The following DNAJC1 variants were observed in gnomAD, a reference collection of about 807,000 sequenced individuals.
DNAJC1 encodes the protein DnaJ heat shock protein family (Hsp40) member C1.
Under a neutral mutation model 76.6 loss-of-function variants are expected in DNAJC1, and 58 were observed. The ratio of observed to expected loss-of-function variants is 0.76; its 90% CI spans 0.61 to 0.94. DNAJC1 has a LOEUF of 0.94. DNAJC1 is among the 40% of genes least tolerant of loss of function. The pLI, the probability that DNAJC1 is intolerant of heterozygous loss-of-function variation, is 0.00. For synonymous variants in DNAJC1, 258 were observed against 267.9 expected, an observed-to-expected ratio of 0.96 and a Z score of 0.36; for missense variants, 689 against 677.3, an observed-to-expected ratio of 1.02 and a Z score of -0.19.
intron 8 of DNAJC1, among the ~76,000 whole-genome samples, chr10:21,814,125 A>T (rs1431293401): frequency 6.6e-6 from 1 of 152,174 alleles, no homozygotes; most frequent in Non-Finnish European, 1.5e-5. Flanking sequence ...TGCAGAAGTT[A>T]CTGGGCACCT....
At chr10:21,827,407 G>A (rs542551503) in intron 8 of DNAJC1, among the ~76,000 whole-genome samples, 1 of 152,186 alleles carries the variant, frequency 6.6e-6, no homozygotes, top group South Asian at 2.1e-4. Context: ...TCCTAGGGCT[G>A]CCATAAAAAA....
At chr10:21,864,535 T>C (rs942926450) in intron 8 of DNAJC1, among the ~76,000 whole-genome samples, 6 of 151,672 alleles carry the variant, frequency 4.0e-5, no homozygotes, top group African/African-American at 1.2e-4. Context: ...GGCAGGAGAA[T>C]TGCTTGAACC....
chr10:21,970,413 C>G (rs1447466454), intron 1 of DNAJC1, among the ~76,000 whole-genome samples: 1 of 151,448 alleles, frequency 6.6e-6, no homozygotes, highest in Admixed American at 6.6e-5. Context: ...TTAAAAAAAC[C>G]AAAAAATTTA....
At chr10:21,859,895 T>C (rs1412706340) in intron 8 of DNAJC1, among the ~76,000 whole-genome samples, 1 of 152,130 alleles carries the variant, frequency 6.6e-6, no homozygotes, top group East Asian at 1.9e-4. Flanking sequence ...GCGATTCTCC[T>C]GCCTCAGCCT....
intron 1 of DNAJC1, among the ~76,000 whole-genome samples, chr10:21,968,425 C>G (rs1282397067): frequency 6.6e-6 from 1 of 152,060 alleles, no homozygotes; most frequent in Non-Finnish European, 1.5e-5. Context: ...TACGGCAACC[C>G]AACTTTGAGT....
At chr10:21,820,683 C>T (rs928523705) in intron 8 of DNAJC1, among the ~76,000 whole-genome samples, 2 of 152,210 alleles carry the variant, frequency 1.3e-5, no homozygotes, top group South Asian at 2.1e-4. Context: ...CCCTCCAACC[C>T]GATGGAAGCC....
intron 9 of DNAJC1, among the ~76,000 whole-genome samples, chr10:21,792,459 A>G (rs1435168049): frequency 6.6e-6 from 1 of 152,180 alleles, no homozygotes; most frequent in East Asian, 1.9e-4. Context: ...AAAATCCATA[A>G]TTACTAGCTA....
At chr10:21,927,890 G>T (rs1169637915) in intron 3 of DNAJC1, among the ~76,000 whole-genome samples, 1 of 152,180 alleles carries the variant, frequency 6.6e-6, no homozygotes, top group Admixed American at 6.5e-5. Context: ...GGGGCACAGA[G>T]AAGTCTTAGA....
At chr10:21,977,002 T>C (rs769672350) in intron 1 of DNAJC1, among the ~76,000 whole-genome samples, 3 of 152,110 alleles carry the variant, frequency 2.0e-5, no homozygotes, top group African/African-American at 7.2e-5. Flanking sequence ...ATGGGGCCAA[T>C]GGTAAGCAAC....
At chr10:21,898,945 G>A (rs1488177473) in intron 7 of DNAJC1, among the ~76,000 whole-genome samples, 10 of 152,014 alleles carry the variant, frequency 6.6e-5, no homozygotes, top group Non-Finnish European at 1.3e-4. Flanking sequence ...GAAATATCCC[G>A]GTTCTCACAT....
chr10:21,784,927 G>A (rs1834585368), intron 9 of DNAJC1, among the ~76,000 whole-genome samples: 1 of 152,062 alleles, frequency 6.6e-6, no homozygotes, highest in Non-Finnish European at 1.5e-5. Context: ...GGAAGGGATA[G>A]CATTAGGAGA....
intron 8 of DNAJC1, among the ~76,000 whole-genome samples, chr10:21,815,458 T>A (rs1338997697): frequency 6.6e-6 from 1 of 152,180 alleles, no homozygotes; most frequent in Non-Finnish European, 1.5e-5. Flanking sequence ...ATAACTGCTA[T>A]TGCTATCAGT....
intron 8 of DNAJC1, among the ~76,000 whole-genome samples, chr10:21,829,276 G>A (rs984088036): frequency 4.6e-5 from 7 of 151,706 alleles, no homozygotes; most frequent in African/African-American, 7.3e-5. Flanking sequence ...GTGCAGTGGC[G>A]TGATCTTGGC....
chr10:21,827,783 G>A (rs570492643), intron 8 of DNAJC1, among the ~76,000 whole-genome samples: 1 of 152,184 alleles, frequency 6.6e-6, no homozygotes, highest in Non-Finnish European at 1.5e-5. Context: ...ACATGGATTT[G>A]TTTGGGATAC....
At chr10:21,884,843 G>C (rs1347359915) in intron 7 of DNAJC1, among the ~76,000 whole-genome samples, 1 of 152,076 alleles carries the variant, frequency 6.6e-6, no homozygotes, top group South Asian at 2.1e-4. Context: ...ACAACTGCAA[G>C]TGATGTCTTT....
chr10:21,795,343 G>A (rs1032746921), intron 9 of DNAJC1, among the ~76,000 whole-genome samples: 1 of 152,104 alleles, frequency 6.6e-6, no homozygotes, highest in Non-Finnish European at 1.5e-5. Context: ...GCTACAACAC[G>A]GATGAACTTC....
chr10:21,771,789 A>G (rs1834380809), intron 9 of DNAJC1, among the ~76,000 whole-genome samples: 1 of 152,116 alleles, frequency 6.6e-6, no homozygotes, highest in Non-Finnish European at 1.5e-5. Flanking sequence ...GGAGCCACTG[A>G]GTCCGGCTCA....
chr10:21,878,268 A>T (rs1409020274), intron 8 of DNAJC1, among the ~76,000 whole-genome samples: 2 of 152,220 alleles, frequency 1.3e-5, no homozygotes, highest in African/African-American at 4.8e-5. Context: ...TTTACTGGAG[A>T]GACAAACTGC....
At chr10:21,817,370 T>C (rs1201277229) in intron 8 of DNAJC1, among the ~76,000 whole-genome samples, 11 of 152,148 alleles carry the variant, frequency 7.2e-5, no homozygotes, top group African/African-American at 2.7e-4. Context: ...TTAAATATAC[T>C]ACGAACACTC....
Sources: gnomAD v4.1 joint callset for allele counts (sites outside exome capture counted in the v4.1 genomes callset) on GRCh38, gnomAD v4.1.1 for gene constraint, MANE v1.5 for transcripts, NCBI Gene and HGNC (gene_info 2026-07-23, HGNC 2026-07-21) for gene names.